The following ST6GALNAC3 variants were observed in gnomAD, a reference collection of about 807,000 sequenced individuals.
The protein encoded by ST6GALNAC3 is alpha-N-acetylgalactosaminide alpha-2,6-sialyltransferase 3.
Under a neutral mutation model 32.7 loss-of-function variants are expected in ST6GALNAC3, and 25 were observed. That is an observed-to-expected ratio of 0.76 (90% confidence interval 0.56 to 1.07). The LOEUF is 1.07. ST6GALNAC3 is among the 50% of genes least tolerant of loss of function. The probability of loss-of-function intolerance (pLI) is 0.00; values close to 1 mark genes in which losing one functional copy is unlikely to be tolerated. For synonymous variants in ST6GALNAC3, 129 were observed against 133.1 expected (o/e 0.97, Z 0.21); for missense variants, 355 against 382.4 (o/e 0.93, Z 0.60).
chr1:76,457,922 A>G (rs377624139), intron 3 of ST6GALNAC3, among the ~76,000 whole-genome samples: 7 of 149,824 alleles, frequency 4.7e-5, no homozygotes, highest in Admixed American at 1.3e-4. Context: ...CACAGCAAAA[A>G]AAACTACCAT....
intron 3 of ST6GALNAC3, among the ~76,000 whole-genome samples, chr1:76,445,853 G>T (rs901281201): frequency 1.3e-5 from 2 of 152,122 alleles, no homozygotes; most frequent in African/African-American, 4.8e-5. Flanking sequence ...ACTTTTAGCA[G>T]CAATCACTTC....
intron 2 of ST6GALNAC3, among the ~76,000 whole-genome samples, chr1:76,360,280 A>G (rs60213136): frequency 0.057 from 8,670 of 152,090 alleles, 308 homozygotes; most frequent in African/African-American, 0.1. Flanking sequence ...CAGCCTGTTT[A>G]TCCTTCTTTT....
chr1:76,400,816 A>C (rs1454603582), intron 2 of ST6GALNAC3, among the ~76,000 whole-genome samples: 2 of 151,648 alleles, frequency 1.3e-5, no homozygotes, highest in Non-Finnish European at 2.9e-5. Flanking sequence ...AACTGCTTGA[A>C]CCTGGGAGGC....
At chr1:76,125,571 G>T (rs537191524) in intron 1 of ST6GALNAC3, among the ~76,000 whole-genome samples, 2 of 152,264 alleles carry the variant, frequency 1.3e-5, no homozygotes, top group East Asian at 3.9e-4. Context: ...GGTCCATCTG[G>T]AAAGAACCAC....
At chr1:76,521,834 C>T (rs976756865) in intron 3 of ST6GALNAC3, among the ~76,000 whole-genome samples, 2 of 151,932 alleles carry the variant, frequency 1.3e-5, no homozygotes, top group African/African-American at 2.4e-5. Flanking sequence ...TTTGGGAGGC[C>T]GAGGCAGGTG....
chr1:76,183,486 A>G (rs1653323305), intron 1 of ST6GALNAC3, among the ~76,000 whole-genome samples: 1 of 152,112 alleles, frequency 6.6e-6, no homozygotes, highest in South Asian at 2.1e-4. Flanking sequence ...AAGTGGATGT[A>G]GACAAGTAAT....
At chr1:76,569,067 T>A (rs1415486245) in intron 3 of ST6GALNAC3, among the ~76,000 whole-genome samples, 1 of 152,148 alleles carries the variant, frequency 6.6e-6, no homozygotes, top group Non-Finnish European at 1.5e-5. Flanking sequence ...ATATGCATTT[T>A]GCAGAATAAA....
At chr1:76,185,848 T>TA (rs1400400523) in intron 1 of ST6GALNAC3, among the ~76,000 whole-genome samples, 5 of 152,224 alleles carry the variant, frequency 3.3e-5, no homozygotes, top group Non-Finnish European at 5.9e-5. Context: ...ACTGAATACA[T>TA]ACAGACCATT....
chr1:76,386,676 A>T (rs1004638786), intron 2 of ST6GALNAC3, among the ~76,000 whole-genome samples: 3 of 152,278 alleles, frequency 2.0e-5, no homozygotes, highest in Middle Eastern at 3.4e-3. Context: ...TGTTAGAGTT[A>T]AACCTAGACC....
At chr1:76,508,315 G>A (rs1381176027) in intron 3 of ST6GALNAC3, among the ~76,000 whole-genome samples, 1 of 152,136 alleles carries the variant, frequency 6.6e-6, no homozygotes, top group South Asian at 2.1e-4. Flanking sequence ...AGTAATGCTC[G>A]CTTGCCCACC....
chr1:76,112,252 C>G (rs1405951329), intron 1 of ST6GALNAC3, among the ~76,000 whole-genome samples: 1 of 142,166 alleles, frequency 7.0e-6, no homozygotes, highest in Admixed American at 6.8e-5. Flanking sequence ...GGCTGACCCC[C>G]CCACCTCCTT....
rs563630306 is a variant in ST6GALNAC3 at position 76,121,134 on chromosome 1, C to T, written c.18+46250C>T. 9.8e-5 allele frequency among the ~76,000 whole-genome samples: 15 copies of T among 152,328 alleles called. No individual in the cohort carries two copies. The South Asian group carries it at 3.1e-3, about 32-fold the overall frequency. ...CAGGACAATCCCCCCATCTCAAGATCTTTAATTTCATCACATCTGCAAAGT... is the reference window on the plus strand; with the variant it reads ...CAGGACAATCCCCCCATCTCAAGATTTTTAATTTCATCACATCTGCAAAGT... On this transcript the variant is annotated intron_variant, in intron 1 of 4. Coordinates refer to ENST00000328299, the MANE Select transcript of ST6GALNAC3 (RefSeq NM_152996.4).
At chr1:76,434,784 G>GTTTTTTTTT (rs1211703628) in intron 3 of ST6GALNAC3, among the ~76,000 whole-genome samples, 38 of 72,210 alleles carry the variant, frequency 5.3e-4, no homozygotes, top group Non-Finnish European at 5.8e-4. Flanking sequence ...TTTTTTCTCT[G>GTTTTTTTTT]TTTTTTTTTT....
chr1:76,627,546 G>C lies in ST6GALNAC3; in HGVS notation c.718G>C (p.Asp240His). The change falls in exon 4 of 5, where the codon GAC becomes CAC. Residue 240 changes from aspartate to histidine, a missense_variant. Physicochemically the swap from Asp to His is moderately conservative, Grantham distance 81 (BLOSUM62 -1). Transcript: ENST00000328299. ...YGIHVYGMIN[D>H]TYCKTEGYRK... ...CATTCACGTCTACGGGATGATAAAT[G>C]ACACCTACTGCAAGTAAGATCACAA... is the stretch of plus-strand genomic sequence containing the variant. 6.2e-7 allele frequency: 1 copy of C among 1,611,512 alleles called. No individual in the cohort carries two copies. Among genetic ancestry groups the C allele is most frequent in the Non-Finnish European group, 8.5e-7 (1 of 1,178,112 alleles).
chr1:76,403,906 C>T (rs1429075839), intron 2 of ST6GALNAC3, among the ~76,000 whole-genome samples: 2 of 151,702 alleles, frequency 1.3e-5, no homozygotes, highest in African/African-American at 2.4e-5. Flanking sequence ...TATGAGAAAA[C>T]TCTTTCTTGG....
chr1:76,557,645 A>G (rs145844381), intron 3 of ST6GALNAC3, among the ~76,000 whole-genome samples: 1 of 152,208 alleles, frequency 6.6e-6, no homozygotes, highest in African/African-American at 2.4e-5. Context: ...GTCTTGCCAT[A>G]GTTTATAAAT....
chr1:76,267,864 G>A (rs973893721), intron 1 of ST6GALNAC3, among the ~76,000 whole-genome samples: 2 of 152,182 alleles, frequency 1.3e-5, no homozygotes, highest in Non-Finnish European at 2.9e-5. Flanking sequence ...TTTGATATGA[G>A]GATGTGGTCA....
At chr1:76,226,313 A>G (rs561797460) in intron 1 of ST6GALNAC3, among the ~76,000 whole-genome samples, 2 of 152,272 alleles carry the variant, frequency 1.3e-5, no homozygotes, top group African/African-American at 4.8e-5. Context: ...CAATCCAGGG[A>G]GGGGATGCCC....
Position 76,397,922 on chromosome 1 carries a change from A to T in ST6GALNAC3, c.214-14086A>T, listed in dbSNP as rs144561612. The stretch of plus-strand genomic sequence containing the variant: ...TCTGGTTGCTGTGTTTGCAAGGAGA[A>T]CTACTGTGTCATCTGTAAATAATGA... On this transcript the variant is annotated intron_variant, in intron 2 of 4. Coordinates refer to ENST00000328299, the MANE Select transcript of ST6GALNAC3 (RefSeq NM_152996.4). Among the ~76,000 whole-genome samples, 14 of 151,988 alleles carry T rather than the reference A, an allele frequency of 9.2e-5. No individual in the cohort carries two copies. In the East Asian group the frequency reaches 2.1e-3, roughly 23 times the overall value.
Sources: gnomAD v4.1 joint callset for allele counts (sites outside exome capture counted in the v4.1 genomes callset) on GRCh38, gnomAD v4.1.1 for gene constraint, MANE v1.5 for transcripts, NCBI Gene and HGNC (gene_info 2026-07-23, HGNC 2026-07-21) for gene names.